The following CLSTN2 variants were observed in gnomAD, a reference collection of about 807,000 sequenced individuals.
CLSTN2 encodes the protein calsyntenin-2.
In CLSTN2, 48 loss-of-function variants were observed where a neutral mutation model predicts 101.2. The observed-to-expected ratio is 0.47, with a 90% CI of 0.38 to 0.60. CLSTN2 has a LOEUF of 0.60. CLSTN2 is among the 20% of genes least tolerant of loss of function. The pLI, the probability that CLSTN2 is intolerant of heterozygous loss-of-function variation, is 0.00. For missense variants in CLSTN2, 1,160 were observed against 1,238.2 expected, an observed-to-expected ratio of 0.94 and a Z score of 0.95; for synonymous variants, 481 against 463.6, an observed-to-expected ratio of 1.04 and a Z score of -0.48.
chr3:140,210,875 TCTGAGGATAA>T (rs1286428130), intron 2 of CLSTN2, among the ~76,000 whole-genome samples: 1 of 152,158 alleles, frequency 6.6e-6, no homozygotes, highest in African/African-American at 2.4e-5. Context: ...TAGCTATGAA[TCTGAGGATAA>T]CTCAGCATTT....
chr3:140,350,050 G>A (rs1044381571), intron 2 of CLSTN2, among the ~76,000 whole-genome samples: 2 of 152,224 alleles, frequency 1.3e-5, no homozygotes, highest in Non-Finnish European at 1.5e-5. Context: ...GTTAGACAAA[G>A]GCTGAGGGTT....
rs1223255081 is a variant in CLSTN2 at position 140,546,588 on chromosome 3, C to A, written c.1581C>A (p.Gly527=). The stretch of plus-strand genomic sequence containing the variant: ...TGGCCAGTCTCACCATCCGCCCTGG[C>A]AAAATGGAAAGCCAGAAGGTGATCT... ...GSLASLTIRP[G]KMESQKVISC... Residue 527 remains glycine, a synonymous_variant, in exon 10 of 17, where the codon GGC becomes GGA. Transcript: ENST00000458420. The A allele has an allele frequency of 6.2e-7, 1 of 1,613,986 alleles. No individual in the cohort carries two copies. Among genetic ancestry groups the A allele is most frequent in the African/African-American group, 1.3e-5 (1 of 74,926 alleles).
intron 7 of CLSTN2, among the ~76,000 whole-genome samples, chr3:140,463,896 G>T (rs1206488822): frequency 2.0e-5 from 3 of 152,198 alleles, no homozygotes; most frequent in Non-Finnish European, 4.4e-5. Flanking sequence ...CCTGAGAGAA[G>T]GGAGAAGCTG....
intron 5 of CLSTN2, among the ~76,000 whole-genome samples, chr3:140,436,637 C>T (rs1277605280): frequency 2.0e-5 from 3 of 152,220 alleles, no homozygotes; most frequent in African/African-American, 7.2e-5. Flanking sequence ...GAGGGCTAGT[C>T]CTGGCCACAT....
intron 2 of CLSTN2, among the ~76,000 whole-genome samples, chr3:140,205,624 C>CCCCCG (rs751826679): frequency 3.7e-5 from 4 of 108,242 alleles, no homozygotes; most frequent in Admixed American, 1.0e-4. Context: ...ACCCGCCCCC[C>CCCCCG]ACCCACACAC....
chr3:140,254,666 A>G (rs1375608921), intron 2 of CLSTN2, among the ~76,000 whole-genome samples: 2 of 152,198 alleles, frequency 1.3e-5, no homozygotes, highest in Non-Finnish European at 2.9e-5. Context: ...TCTACCATAT[A>G]TAAAAATCAA....
intron 1 of CLSTN2, among the ~76,000 whole-genome samples, chr3:140,128,005 C>T (rs1007406178): frequency 3.9e-5 from 6 of 152,088 alleles, no homozygotes; most frequent in African/African-American, 1.2e-4. Context: ...GAAGCAAATA[C>T]TCACACCATG....
intron 1 of CLSTN2, among the ~76,000 whole-genome samples, chr3:140,067,373 T>C (rs1301639802): frequency 8.7e-6 from 1 of 115,594 alleles, no homozygotes; most frequent in Non-Finnish European, 2.0e-5. Context: ...TTCACAGCTT[T>C]CATCTGTTTC....
chr3:139,985,658 A>C (rs1300989888), intron 1 of CLSTN2, among the ~76,000 whole-genome samples: 2 of 152,180 alleles, frequency 1.3e-5, no homozygotes, highest in African/African-American at 4.8e-5. Context: ...TCACTAAAAA[A>C]GGCTTATTTG....
At chr3:140,436,351 C>T (rs2088687379) in intron 5 of CLSTN2, among the ~76,000 whole-genome samples, 2 of 152,174 alleles carry the variant, frequency 1.3e-5, no homozygotes, top group South Asian at 2.1e-4. Flanking sequence ...GTCTTTTCCG[C>T]AGTGTATGTT....
Position 140,450,153 on chromosome 3 carries a change from G to C in CLSTN2, c.973+1449G>C, listed in dbSNP as rs79485850. The C allele has an allele frequency of 5.3e-5, 8 of 152,266 alleles. No individual in the cohort carries two copies. In the East Asian group the frequency reaches 9.7e-4, roughly 18 times the overall value. 9.4% of individuals were successfully genotyped at this position (152,266 alleles called of 1,614,324 possible). On this transcript the variant is annotated intron_variant, in intron 6 of 16. Transcript: ENST00000458420. ...TTTAGTTATCCCATCTTCACCATGA[G>C]GAGGTCACCCATCCCATTTTAGAGG...
At chr3:140,177,278 G>T (rs1233849667) in intron 2 of CLSTN2, among the ~76,000 whole-genome samples, 1 of 152,140 alleles carries the variant, frequency 6.6e-6, no homozygotes, top group East Asian at 1.9e-4. Flanking sequence ...CCAAATGCCT[G>T]TTGGAAGTAT....
At chr3:140,345,931 G>A (rs1371697410) in intron 2 of CLSTN2, among the ~76,000 whole-genome samples, 1 of 152,174 alleles carries the variant, frequency 6.6e-6, no homozygotes, top group Non-Finnish European at 1.5e-5. Flanking sequence ...ATCTGTATTT[G>A]CTGGTTCAAT....
intron 4 of CLSTN2, among the ~76,000 whole-genome samples, chr3:140,408,746 A>C (rs1430486069): frequency 3.9e-5 from 6 of 152,174 alleles, no homozygotes. Flanking sequence ...GGAAGCCACT[A>C]CATGTATGCC....
At chr3:140,493,840 G>A (rs902929064) in intron 8 of CLSTN2, among the ~76,000 whole-genome samples, 4 of 152,100 alleles carry the variant, frequency 2.6e-5, no homozygotes, top group Admixed American at 2.0e-4. Context: ...CTCATTAACC[G>A]GTCTCTCTAA....
intron 1 of CLSTN2, among the ~76,000 whole-genome samples, chr3:140,124,960 CTG>C (rs1035679314): frequency 6.6e-6 from 1 of 152,182 alleles, no homozygotes; most frequent in Admixed American, 6.5e-5. Flanking sequence ...AACCAAGTGA[CTG>C]TGGTGACAGA....
chr3:140,216,119 A>G (rs2107849643), intron 2 of CLSTN2, among the ~76,000 whole-genome samples: 1 of 152,250 alleles, frequency 6.6e-6, no homozygotes, highest in East Asian at 1.9e-4. Context: ...CCTATTGTGA[A>G]CCGTGCATGT....
At chr3:140,223,574 T>C (rs1258957463) in intron 2 of CLSTN2, among the ~76,000 whole-genome samples, 1 of 152,196 alleles carries the variant, frequency 6.6e-6, no homozygotes, top group African/African-American at 2.4e-5. Context: ...CATCATTCAT[T>C]TTCCTAGGCA....
chr3:140,575,494 A>G lies in CLSTN2; in HGVS notation c.*9241A>G, dbSNP rs347971. The G allele has an allele frequency of 0.23, 34,987 of 152,176 alleles. 5,207 individuals carry two copies. Among genetic ancestry groups the G allele is most frequent in the East Asian group, 0.78 (4,039 of 5,176 alleles). The allele number at this position is 152,176 out of a possible 1,614,324, so 9.4% of individuals were successfully genotyped here. ...TAATTGAACTAGTCATGATGAATCA[A>G]TCCAACTGACTGCATCCAGTCTGAC... is the stretch of plus-strand genomic sequence containing the variant. On this transcript the variant is annotated 3_prime_UTR_variant, in exon 17 of 17. Coordinates refer to ENST00000458420, the MANE Select transcript of CLSTN2 (RefSeq NM_022131.3).
Sources: gnomAD v4.1 joint callset for allele counts (sites outside exome capture counted in the v4.1 genomes callset) on GRCh38, gnomAD v4.1.1 for gene constraint, MANE v1.5 for transcripts, NCBI Gene and HGNC (gene_info 2026-07-23, HGNC 2026-07-21) for gene names.